SNTB2: variants seen among roughly 807,000 people sequenced by gnomAD.
SNTB2 encodes the protein syntrophin beta 2, also known as beta-2-syntrophin.
In SNTB2, 34 loss-of-function variants were observed where a neutral mutation model predicts 46.2. The ratio of observed to expected loss-of-function variants is 0.74; its 90% confidence interval spans 0.56 to 0.98. The LOEUF is 0.98. SNTB2 is among the 50% of genes least tolerant of loss of function. The pLI, the probability that SNTB2 is intolerant of heterozygous loss-of-function variation, is 0.00. For missense variants in SNTB2, 603 were observed against 731.4 expected (o/e 0.82, Z 2.02); for synonymous variants, 290 against 312.6 (o/e 0.93, Z 0.76).
chr16:69,293,286 C>CCATA (rs1316315381), intron 5 of SNTB2, among the ~76,000 whole-genome samples: 1 of 152,068 alleles, frequency 6.6e-6, no homozygotes, highest in Non-Finnish European at 1.5e-5. Context: ...AGCTGTCTAT[C>CCATA]CATAAGTCGG....
chr16:69,208,980 G>T (rs991206645), intron 1 of SNTB2, among the ~76,000 whole-genome samples: 2 of 152,030 alleles, frequency 1.3e-5, no homozygotes, highest in African/African-American at 4.8e-5. Flanking sequence ...GAGTGTGTGT[G>T]TGTGTGTGTG....
chr16:69,296,181 G>A (rs1392232277), intron 5 of SNTB2, among the ~76,000 whole-genome samples: 2 of 152,044 alleles, frequency 1.3e-5, no homozygotes, highest in Admixed American at 1.3e-4. Flanking sequence ...TTGGGAGGCT[G>A]AGGCAGGAGA....
intron 1 of SNTB2, among the ~76,000 whole-genome samples, chr16:69,199,502 G>GGAGGATC (rs1366120680): frequency 6.6e-6 from 1 of 151,386 alleles, no homozygotes; most frequent in African/African-American, 2.4e-5. Context: ...GGTTGAGGTG[G>GGAGGATC]GAGGATCACT....
chr16:69,226,692 G>A (rs1224074662), intron 1 of SNTB2, among the ~76,000 whole-genome samples: 1 of 152,068 alleles, frequency 6.6e-6, no homozygotes, highest in African/African-American at 2.4e-5. Context: ...ACCACATCAG[G>A]CTAATTTTTA....
At chr16:69,253,568 G>A (rs1255973973) in intron 2 of SNTB2, among the ~76,000 whole-genome samples, 1 of 152,118 alleles carries the variant, frequency 6.6e-6, no homozygotes, top group Non-Finnish European at 1.5e-5. Flanking sequence ...AGAATGGCGT[G>A]AACCCAGGAG....
chr16:69,200,663 G>A (rs748777597), intron 1 of SNTB2, among the ~76,000 whole-genome samples: 7 of 152,024 alleles, frequency 4.6e-5, no homozygotes, highest in Non-Finnish European at 8.8e-5. Context: ...GTTTTGTTTC[G>A]TTTATTTATT....
rs112831487 is a variant in SNTB2 at position 69,214,134 on chromosome 16, T to A, written c.580+26388T>A. Among the ~76,000 whole-genome samples, 1,062 of 149,966 alleles carry A rather than the reference T, an allele frequency of 7.1e-3. 10 individuals carry two copies. The highest frequency in any genetic ancestry group is 0.022 in the African/African-American group (908 of 40,844). ...CACCACGCCCAGCCTTTTATTTTTTTTTTTTTTATTTTTTTTGAGACAGTC... is the reference window on the plus strand; with the variant it reads ...CACCACGCCCAGCCTTTTATTTTTTATTTTTTTATTTTTTTTGAGACAGTC... On this transcript the variant is annotated intron_variant, in intron 1 of 6. Coordinates refer to ENST00000336278, the MANE Select transcript of SNTB2 (RefSeq NM_006750.4).
intron 1 of SNTB2, 27 bp downstream of exon 1, chr16:69,187,773 G>GGGGGGGGGGC: frequency 9.0e-6 from 3 of 331,854 alleles, no homozygotes; most frequent in Non-Finnish European, 1.7e-5. Context: ...GGGAGGGTGG[G>GGGGGGGGGGC]CAGGCCGCGG....
intron 1 of SNTB2, among the ~76,000 whole-genome samples, chr16:69,238,563 C>T (rs1252935171): frequency 6.6e-6 from 1 of 152,216 alleles, no homozygotes; most frequent in East Asian, 1.9e-4. Flanking sequence ...TTTTAGCCTA[C>T]ACCCATTTCC....
chr16:69,250,559 A>G (rs543614123), intron 2 of SNTB2, among the ~76,000 whole-genome samples: 3 of 152,332 alleles, frequency 2.0e-5, no homozygotes, highest in South Asian at 2.1e-4. Context: ...TAGAATGGAC[A>G]TAATATCTGC....
At chr16:69,223,234 C>G (rs1964424857) in intron 1 of SNTB2, among the ~76,000 whole-genome samples, 1 of 150,204 alleles carries the variant, frequency 6.7e-6, no homozygotes, top group Non-Finnish European at 1.5e-5. Context: ...CTCTTGTTGC[C>G]CAGGCTGGAG....
At chr16:69,253,585 C>T (rs911396413) in intron 2 of SNTB2, among the ~76,000 whole-genome samples, 7 of 152,044 alleles carry the variant, frequency 4.6e-5, no homozygotes, top group Middle Eastern at 3.2e-3. Flanking sequence ...GGAGGCGGAG[C>T]TTGCATTGAG....
At chr16:69,287,467 G>A (rs1026537862) in intron 5 of SNTB2, among the ~76,000 whole-genome samples, 1 of 152,092 alleles carries the variant, frequency 6.6e-6, no homozygotes, top group African/African-American at 2.4e-5. Flanking sequence ...CTACTCAGGA[G>A]GCCGAGGCAT....
chr16:69,240,342 A>G (rs1233692977), intron 1 of SNTB2, among the ~76,000 whole-genome samples: 1 of 152,198 alleles, frequency 6.6e-6, no homozygotes, highest in African/African-American at 2.4e-5. Context: ...ACTGCAGTCT[A>G]CTCAAACCCC....
chr16:69,218,915 A>G (rs1644369496), intron 1 of SNTB2, among the ~76,000 whole-genome samples: 1 of 152,342 alleles, frequency 6.6e-6, no homozygotes, highest in East Asian at 1.9e-4. Context: ...AGAAGGGGAA[A>G]GGGAAAGATA....
At chr16:69,225,880 A>G (rs1336681178) in intron 1 of SNTB2, among the ~76,000 whole-genome samples, 4 of 150,144 alleles carry the variant, frequency 2.7e-5, no homozygotes, top group Non-Finnish European at 5.9e-5. Flanking sequence ...TGATTCTCCT[A>G]CCTCGGCCTC....
chr16:69,287,012 T>C (rs1965110000), intron 5 of SNTB2, among the ~76,000 whole-genome samples: 1 of 152,166 alleles, frequency 6.6e-6, no homozygotes, highest in Non-Finnish European at 1.5e-5. Flanking sequence ...TTTATGGCTA[T>C]GGAAAAATAA....
intron 1 of SNTB2, among the ~76,000 whole-genome samples, chr16:69,243,065 A>C (rs1008486044): frequency 6.6e-6 from 1 of 152,076 alleles, no homozygotes; most frequent in African/African-American, 2.4e-5. Context: ...GGAAGAAAGA[A>C]AATTAGCTTC....
intron 2 of SNTB2, among the ~76,000 whole-genome samples, chr16:69,254,346 A>G (rs980890196): frequency 6.6e-6 from 1 of 152,164 alleles, no homozygotes. Flanking sequence ...ATTCTCCAAC[A>G]TGGATTGGCT....
Sources: gnomAD v4.1 joint callset for allele counts (sites outside exome capture counted in the v4.1 genomes callset) on GRCh38, gnomAD v4.1.1 for gene constraint, MANE v1.5 for transcripts, NCBI Gene and HGNC (gene_info 2026-07-23, HGNC 2026-07-21) for gene names.